Variants in MAP3K7 observed in about 807,000 individuals in gnomAD.
MAP3K7 encodes TGF-beta activated kinase 1.
A neutral mutation model predicts 84.8 loss-of-function variants in MAP3K7; 21 were observed. The ratio of observed to expected loss-of-function variants is 0.25; its 90% CI spans 0.18 to 0.36. The LOEUF (loss-of-function observed/expected upper bound fraction) is 0.36, where lower values mean the gene tolerates loss of function less well. Ranked by LOEUF, MAP3K7 falls within the 10% of genes least tolerant of loss-of-function variation. The pLI is 1.00. For synonymous variants in MAP3K7, 241 were observed against 247.7 expected, an observed-to-expected ratio of 0.97 and a Z score of 0.25; for missense variants, 503 against 747.7, an observed-to-expected ratio of 0.67 and a Z score of 3.82.
Position 90,550,623 on chromosome 6 carries a change from C to T in MAP3K7, c.868-74G>A, listed in dbSNP as rs1776151320. 1.9e-5 allele frequency: 18 copies of T among 925,372 alleles called. 1 individual carries two copies. The South Asian group carries it at 2.7e-4, about 14-fold the overall frequency. The allele number at this position is 925,372 out of a possible 1,614,324, so 57.3% of individuals were successfully genotyped here. On this transcript the variant is annotated intron_variant, in intron 8 of 16. Coordinates refer to ENST00000369329, the MANE Select transcript of MAP3K7 (RefSeq NM_145331.3). ...TAAATCCTGATTAATGTTTTATTTT[C>T]CCTAAGTTATATACTAAATTTGTAG...
rs1391624904 is a variant in MAP3K7, at chr6:90,513,622, TA to T, written c.*2878del. 1.3e-5 allele frequency: 2 copies of T among 152,142 alleles called. No individual in the cohort carries two copies. The allele number at this position is 152,142 out of a possible 1,614,324, so 9.4% of individuals were successfully genotyped here. On this transcript the variant is annotated 3_prime_UTR_variant, in exon 17 of 17. Coordinates refer to ENST00000369329, the MANE Select transcript of MAP3K7 (RefSeq NM_145331.3). Reference sequence around the variant, plus strand: ...ATTTTATTAAAAACAAAAATAAATCTAAAAAGCTTCCTTCAGTTACAAATAT... The same window carrying T: ...ATTTTATTAAAAACAAAAATAAATCTAAAAGCTTCCTTCAGTTACAAATAT...
chr6:90,542,277 A>T, intron 12 of MAP3K7: 1 of 984,294 alleles, frequency 1.0e-6, no homozygotes, highest in South Asian at 4.7e-5. Context: ...ATTGGCTTTT[A>T]TGTCCACTAG....
intron 7 of MAP3K7, among the ~76,000 whole-genome samples, chr6:90,553,155 C>A (rs1341873342): frequency 6.6e-6 from 1 of 152,080 alleles, no homozygotes; most frequent in Non-Finnish European, 1.5e-5. Flanking sequence ...CATGATCCAG[C>A]CTGATGCTTC....
At position 90,518,704 on chromosome 6, in the gene MAP3K7, A is replaced by G. The variant is rs1145727; in HGVS notation, c.1525-142T>C. The G allele has an allele frequency of 0.25, 146,286 of 595,778 alleles. 19,645 individuals are homozygous for G. The highest frequency in any genetic ancestry group is 0.28 in the Non-Finnish European group (95,866 of 338,972). 36.9% of individuals were successfully genotyped at this position (595,778 alleles called of 1,614,324 possible). A position where few individuals can be genotyped will look rare whatever the true frequency, so the allele number is the denominator to read the frequency against. ...AAAAATAAGTGTTAAACCATGCCCT[A>G]GAAAATCTCAGTGTCCTTTTGTCAG... On this transcript the variant is annotated intron_variant, in intron 15 of 16. Coordinates refer to ENST00000369329, the MANE Select transcript of MAP3K7 (RefSeq NM_145331.3).
chr6:90,574,660 T>C (rs1466657310), intron 1 of MAP3K7, among the ~76,000 whole-genome samples: 1 of 152,216 alleles, frequency 6.6e-6, no homozygotes, highest in Admixed American at 6.5e-5. Flanking sequence ...GGAACGTCCA[T>C]GCAGGGATTC....
chr6:90,584,217 G>A (rs1380323283), intron 1 of MAP3K7, among the ~76,000 whole-genome samples: 1 of 152,014 alleles, frequency 6.6e-6, no homozygotes, highest in Non-Finnish European at 1.5e-5. Context: ...TCTTACAATT[G>A]AACTGGAAGT....
intron 6 of MAP3K7, 59 bp downstream of exon 6, chr6:90,556,441 A>G (rs993354502): frequency 1.9e-6 from 3 of 1,559,018 alleles, no homozygotes; most frequent in Admixed American, 2.0e-5. Flanking sequence ...CTATAAAAAC[A>G]TATGAATTCA....
At chr6:90,555,381 G>A (rs575200108) in intron 6 of MAP3K7, among the ~76,000 whole-genome samples, 7 of 151,766 alleles carry the variant, frequency 4.6e-5, no homozygotes, top group East Asian at 2.0e-4. Context: ...TCAGCCTCCC[G>A]AGTAGCTGGG....
rs372044519 is a variant in MAP3K7, at chr6:90,547,259, T to C, written c.1209A>G (p.Thr403=). 77 of 1,613,260 alleles carry C rather than the reference T, an allele frequency of 4.8e-5. No homozygotes were observed. Among genetic ancestry groups the C allele is most frequent in the Non-Finnish European group, 6.5e-5 (77 of 1,179,618 alleles). ...SEIEARIAAT[T]AYSKPKRGHR... is the part of the protein sequence containing the mutation. The stretch of plus-strand genomic sequence containing the variant: ...TTCAGACTTGTAGTTCCTTTTTACC[T>C]GTGGTTGCGGCGATCCTAGCTTCTA... Residue 403 remains threonine (T), a splice_region_variant and synonymous_variant, in exon 11 of 17, where the codon ACA becomes ACG. Transcript: ENST00000369329.
rs9362749 is a variant in MAP3K7, at chr6:90,566,586, T to C, written c.297+1972A>G. On this transcript the variant is annotated intron_variant, in intron 3 of 16. Coordinates refer to ENST00000369329, the MANE Select transcript of MAP3K7 (RefSeq NM_145331.3). Reference sequence around the variant, plus strand: ...GAAGACACAAATAAATGGAAGAACATTCCATGCTCATGGATAGGAAGAATC... The same window carrying C: ...GAAGACACAAATAAATGGAAGAACACTCCATGCTCATGGATAGGAAGAATC... Among the ~76,000 whole-genome samples, 127 of 152,288 alleles carry C rather than the reference T, an allele frequency of 8.3e-4. 2 individuals are homozygous for C. The East Asian group carries it at 0.023, about 28-fold the overall frequency.
chr6:90,566,076 A>C (rs528330031), intron 3 of MAP3K7, among the ~76,000 whole-genome samples: 1 of 152,178 alleles, frequency 6.6e-6, no homozygotes, highest in Admixed American at 6.5e-5. Flanking sequence ...AAATAATAAG[A>C]GCTATTTATG....
chr6:90,563,716 A>T (rs1440462798), intron 3 of MAP3K7, among the ~76,000 whole-genome samples: 1 of 152,304 alleles, frequency 6.6e-6, no homozygotes, highest in African/African-American at 2.4e-5. Flanking sequence ...AAATACAGAG[A>T]ACGCCACAAA....
Position 90,550,559 on chromosome 6 carries a change from A to T in MAP3K7, c.868-10T>A, listed in dbSNP as rs1280016454. The T allele has an allele frequency of 6.4e-7, 1 of 1,558,208 alleles. No homozygotes were observed. Among genetic ancestry groups the T allele is most frequent in the Admixed American group, 1.8e-5 (1 of 56,974 alleles). ...CTGCTCCTGGAAAGTACTATATATAAAAAAGTAAACCACAGCTTAAAATTT... is the reference window on the plus strand; with the variant it reads ...CTGCTCCTGGAAAGTACTATATATATAAAAGTAAACCACAGCTTAAAATTT... On this transcript the variant is annotated splice_polypyrimidine_tract_variant and intron_variant, in intron 8 of 16. Transcript: ENST00000369329.
intron 14 of MAP3K7, among the ~76,000 whole-genome samples, chr6:90,522,597 T>C (rs1775188001): frequency 6.6e-6 from 1 of 152,144 alleles, no homozygotes; most frequent in Non-Finnish European, 1.5e-5. Flanking sequence ...TGGACAGTCC[T>C]AGGTTGGGCT....
At chr6:90,531,146 A>G (rs1775493360) in intron 13 of MAP3K7, among the ~76,000 whole-genome samples, 1 of 152,206 alleles carries the variant, frequency 6.6e-6, no homozygotes, top group Admixed American at 6.5e-5. Context: ...ATCAGTAGAC[A>G]TGAACCAGAA....
intron 14 of MAP3K7, among the ~76,000 whole-genome samples, 200 bp from the exon 15 acceptor site, chr6:90,519,519 C>CA (rs1775079566): frequency 6.6e-6 from 1 of 151,822 alleles, no homozygotes; most frequent in South Asian, 2.1e-4. Context: ...TATTAGAATG[C>CA]AATTATATTC....
In MAP3K7 at chr6:90,523,702, G is replaced by C. The variant is rs375936720; in HGVS notation, c.1438C>G (p.Pro480Ala). The change falls in exon 14 of 17, where the codon CCA (proline) becomes GCA (alanine). Residue 480 changes from proline to alanine, a missense_variant. Coordinates refer to ENST00000369329, the MANE Select transcript of MAP3K7 (RefSeq NM_145331.3). ...CCTGTGGAATCATCAGGGGTCCATG[G>C]ATGACTTCGAGTTGGCTTTTCTGAG... ...PTSEKPTRSH[P>A]WTPDDSTDTN... 1.5e-4 allele frequency: 237 copies of C among 1,613,076 alleles called. No individual in the cohort carries two copies. The highest frequency in any genetic ancestry group is 2.0e-4 in the Non-Finnish European group (230 of 1,179,344).
At chr6:90,524,082 T>C (rs1004109447) in intron 13 of MAP3K7, among the ~76,000 whole-genome samples, 1 of 152,140 alleles carries the variant, frequency 6.6e-6, no homozygotes, top group East Asian at 1.9e-4. Context: ...TAAACACCAA[T>C]GGCCTAGAGC....
intron 1 of MAP3K7, among the ~76,000 whole-genome samples, chr6:90,581,433 C>G (rs157435): frequency 0.34 from 52,324 of 151,928 alleles, 9,197 homozygotes; most frequent in South Asian, 0.43. Context: ...GGACTTGGAG[C>G]CTCCAACTAT....
Sources: allele counts gnomAD v4.1 joint callset (sites outside exome capture counted in the v4.1 genomes callset), GRCh38; gene constraint gnomAD v4.1.1; transcripts MANE v1.5; gene names NCBI Gene and HGNC (gene_info 2026-07-23, HGNC 2026-07-21).